The following TTC19 variants were observed in gnomAD, a reference collection of about 807,000 sequenced individuals.
The protein encoded by TTC19 is tetratricopeptide repeat protein 19, mitochondrial.
Under a neutral mutation model 49.5 loss-of-function variants are expected in TTC19, and 38 were observed. The ratio of observed to expected loss-of-function variants is 0.77; its 90% CI spans 0.59 to 1.01. The LOEUF (loss-of-function observed/expected upper bound fraction) is 1.01, where lower values mean the gene tolerates loss of function less well. TTC19 is among the 50% of genes least tolerant of loss of function. The pLI is 0.00. For missense variants in TTC19, 475 were observed against 477.7 expected (o/e 0.99, Z 0.05); for synonymous variants, 204 against 185.2 (o/e 1.10, Z -0.83).
chr17:16,026,708 T>G lies in TTC19; in HGVS notation c.994+6T>G, dbSNP rs1208382283. The stretch of plus-strand genomic sequence containing the variant: ...TGCAGTTTTGATGCACAGAGGTAGG[T>G]AGCAATGTAAACTTAACTGACTTGC... On this transcript the variant is annotated splice_donor_region_variant and intron_variant, in intron 9 of 9. Transcript: ENST00000261647. 1.2e-6 allele frequency: 2 copies of G among 1,613,932 alleles called. No individual in the cohort carries two copies. The highest frequency in any genetic ancestry group is 1.7e-6 in the Non-Finnish European group (2 of 1,179,852).
At chr17:16,009,165 A>G (rs929602972) in intron 7 of TTC19, among the ~76,000 whole-genome samples, 9 of 152,376 alleles carry the variant, frequency 5.9e-5, no homozygotes, top group African/African-American at 2.2e-4. Flanking sequence ...CTTTGAGGAA[A>G]TCCACAAGAG....
intron 6 of TTC19, among the ~76,000 whole-genome samples, chr17:16,005,524 GCTC>G (rs2151650674): frequency 6.6e-6 from 1 of 152,274 alleles, no homozygotes; most frequent in Non-Finnish European, 1.5e-5. Context: ...CCAAAGCTGA[GCTC>G]CTAAATGGAG....
At chr17:16,030,810 T>G (rs1444373917), downstream of TTC19, 1 of 183,216 alleles carries the variant, frequency 5.5e-6, no homozygotes, top group Non-Finnish European at 1.2e-5. Context: ...TAGACACCAG[T>G]GATAGGAGGG....
chr17:16,032,806 GT>G (rs935188112), downstream of TTC19, among the ~76,000 whole-genome samples: 2 of 152,204 alleles, frequency 1.3e-5, no homozygotes, highest in African/African-American at 4.8e-5. Flanking sequence ...ACAGAGTCAG[GT>G]TATAGCAAGA....
rs1394286619 is a variant in TTC19, at chr17:16,028,229, T to C, written c.*707T>C. 2 of 454,010 alleles carry C rather than the reference T, an allele frequency of 4.4e-6. No homozygotes were observed. The highest frequency in any genetic ancestry group is 2.0e-5 in the African/African-American group (1 of 50,004). 28.1% of individuals were successfully genotyped at this position (454,010 alleles called of 1,614,324 possible). A position where few individuals can be genotyped will look rare whatever the true frequency, so the allele number is the denominator to read the frequency against. Reference sequence around the variant, plus strand: ...ATGATGTAACCTTTTGTCTGTGTTATCTGAACACTCTACTTCCTTTGCAGC... The same window carrying C: ...ATGATGTAACCTTTTGTCTGTGTTACCTGAACACTCTACTTCCTTTGCAGC... On this transcript the variant is annotated 3_prime_UTR_variant, in exon 10 of 10. Transcript: ENST00000261647.
Position 16,027,323 on chromosome 17 carries a change from T to C in TTC19, c.995-51T>C. 4.4e-6 allele frequency: 7 copies of C among 1,607,412 alleles called. 1 individual carries two copies. In the South Asian group the frequency reaches 7.7e-5, roughly 18 times the overall value. On this transcript the variant is annotated intron_variant, in intron 9 of 9. Coordinates refer to ENST00000261647, the MANE Select transcript of TTC19 (RefSeq NM_017775.4). The stretch of plus-strand genomic sequence containing the variant: ...TTCATGCTCTCTCTTCAGAATCACC[T>C]TGAAAACATACACTTTCTTCTTACT...
chr17:16,035,131 AATT>A (rs1973985026), intron 2 of TTC19, among the ~76,000 whole-genome samples: 2 of 152,310 alleles, frequency 1.3e-5, no homozygotes, highest in South Asian at 4.1e-4. Context: ...AGTAAGTCAC[AATT>A]ATTTTGCTGG....
downstream of TTC19, chr17:16,032,488 C>A (rs534201773): frequency 7.1e-6 from 11 of 1,555,874 alleles, no homozygotes; most frequent in South Asian, 1.2e-4. Context: ...TTGAGCCTGA[C>A]AAAAGAAAAA....
chr17:16,043,663 A>G (rs1231378728), intron 2 of TTC19, among the ~76,000 whole-genome samples: 1 of 152,226 alleles, frequency 6.6e-6, no homozygotes, highest in South Asian at 2.1e-4. Context: ...GACAAAGACT[A>G]CAGAATGAGC....
At chr17:16,007,289 T>C (rs1214021491) in intron 7 of TTC19, among the ~76,000 whole-genome samples, 12 of 152,192 alleles carry the variant, frequency 7.9e-5, no homozygotes. Context: ...CTTATATATA[T>C]GTACCTATGA....
At chr17:16,044,938 T>C (rs1044784289) in exon 3 of TTC19, 1 of 629,774 alleles carries the variant, frequency 1.6e-6, no homozygotes. Flanking sequence ...GATGATGACA[T>C]GGGCTTTTGG....
chr17:16,000,094 T>A (rs1227924830), intron 1 of TTC19, 24 bp from the exon 2 acceptor site: 3 of 1,467,004 alleles, frequency 2.0e-6, no homozygotes, highest in Non-Finnish European at 2.7e-6. Flanking sequence ...CCGGGCCCGA[T>A]GACCTCAGAG....
Position 16,027,600 on chromosome 17 carries a change from C to T in TTC19, c.*78C>T, listed in dbSNP as rs1023577007. 2.0e-6 allele frequency: 3 copies of T among 1,534,266 alleles called. No homozygotes were observed. Among genetic ancestry groups the T allele is most frequent in the African/African-American group, 2.7e-5 (2 of 73,124 alleles). ...CATTCCTGTCTCTGTGGCACCCGATCAATGGCTTAAATCTGTCGTTTTTGA... is the reference window on the plus strand; with the variant it reads ...CATTCCTGTCTCTGTGGCACCCGATTAATGGCTTAAATCTGTCGTTTTTGA... On this transcript the variant is annotated 3_prime_UTR_variant, in exon 10 of 10. Transcript: ENST00000261647.
chr17:16,006,236 T>C (rs1014605556), intron 6 of TTC19, among the ~76,000 whole-genome samples: 1 of 152,094 alleles, frequency 6.6e-6, no homozygotes, highest in Non-Finnish European at 1.5e-5. Context: ...ATGGTGAAAC[T>C]CTGTCTTTAC....
At position 16,028,097 on chromosome 17, in the gene TTC19, G is replaced by C. The variant is rs1597473452; in HGVS notation, c.*575G>C. The C allele has an allele frequency of 4.4e-6, 2 of 454,060 alleles. No homozygotes were observed. The highest frequency in any genetic ancestry group is 3.1e-5 in the South Asian group (2 of 64,480). 28.1% of individuals were successfully genotyped at this position (454,060 alleles called of 1,614,324 possible). On this transcript the variant is annotated 3_prime_UTR_variant, in exon 10 of 10. Coordinates refer to ENST00000261647, the MANE Select transcript of TTC19 (RefSeq NM_017775.4). ...CATGAAGTTGTAAAGTGGGGATTAG[G>C]CACGTGACAGTATAGCACCCATTTG...
At chr17:16,034,528 A>AG (rs1056672683) in intron 2 of TTC19, among the ~76,000 whole-genome samples, 2 of 152,066 alleles carry the variant, frequency 1.3e-5, no homozygotes, top group African/African-American at 4.8e-5. Context: ...GGATCACCTG[A>AG]GCCTCAGAGG....
At chr17:16,030,637 G>T (rs1036939117), downstream of TTC19, 5 of 181,532 alleles carry the variant, frequency 2.8e-5, no homozygotes, top group Admixed American at 6.3e-5. Flanking sequence ...CACTAAGCCT[G>T]ATCTAAAGTT....
intron 2 of TTC19, among the ~76,000 whole-genome samples, chr17:16,044,179 A>G (rs1260396319): frequency 6.6e-6 from 1 of 151,726 alleles, no homozygotes. Flanking sequence ...AAAAAAAAAA[A>G]AAAAAAAAAG....
chr17:16,035,202 A>G (rs796732782), intron 2 of TTC19, among the ~76,000 whole-genome samples: 6 of 152,330 alleles, frequency 3.9e-5, no homozygotes, highest in African/African-American at 1.4e-4. Context: ...CGGTTGCCAA[A>G]GGCTGGGATG....
Sources: allele counts gnomAD v4.1 joint callset (sites outside exome capture counted in the v4.1 genomes callset), GRCh38; gene constraint gnomAD v4.1.1; transcripts MANE v1.5; gene names NCBI Gene and HGNC (gene_info 2026-07-23, HGNC 2026-07-21).